The following PCGF2 variants were observed in gnomAD, a reference collection of about 807,000 sequenced individuals.
The protein encoded by PCGF2 is polycomb group ring finger 2.
A neutral mutation model predicts 36.1 loss-of-function variants in PCGF2; 8 were observed. The observed-to-expected ratio is 0.22, with a 90% CI of 0.13 to 0.40. The LOEUF is 0.40. PCGF2 is among the 10% of genes least tolerant of loss of function. The probability of loss-of-function intolerance (pLI) is 1.00; values close to 1 mark genes in which losing one functional copy is unlikely to be tolerated. For missense variants in PCGF2, 436 were observed against 475.9 expected, an observed-to-expected ratio of 0.92 and a Z score of 0.78; for synonymous variants, 198 against 191.2, an observed-to-expected ratio of 1.04 and a Z score of -0.29.
At position 38,739,269 on chromosome 17, in the gene PCGF2, C is replaced by A; in HGVS notation, c.210-16G>T. The A allele has an allele frequency of 6.2e-7, 1 of 1,611,840 alleles. No homozygotes were observed. The highest frequency in any genetic ancestry group is 1.7e-5 in the Admixed American group (1 of 60,014). ...TTTGTCAGACCTGGGGAAAAATGGA[C>A]AGGGCTTATCAGCAATGCCTTCTCC... On this transcript the variant is annotated splice_polypyrimidine_tract_variant and intron_variant, in intron 4 of 10. Transcript: ENST00000620225. The surrounding 1 kb of genome is among the most constrained non-coding windows in gnomAD (Gnocchi z 4.0).
At chr17:38,744,483 G>A (rs561375020) in intron 2 of PCGF2, among the ~76,000 whole-genome samples, 70 of 152,234 alleles carry the variant, frequency 4.6e-4, no homozygotes, top group African/African-American at 1.5e-3. Context: ...AACCTCCCAA[G>A]TAGCTGGGAA....
upstream of PCGF2, chr17:38,749,268 G>A (rs1907765602): frequency 4.9e-6 from 1 of 204,884 alleles, no homozygotes; most frequent in East Asian, 1.3e-4. This position sits in a 1 kb window ranked among gnomAD's most constrained non-coding sequence, Gnocchi z 6.5. Flanking sequence ...CCTGCGCTGC[G>A]CGCTGCCTGT....
chr17:38,740,019 G>A (rs1185982830), intron 3 of PCGF2, among the ~76,000 whole-genome samples: 2 of 152,226 alleles, frequency 1.3e-5, no homozygotes, highest in Non-Finnish European at 2.9e-5. Flanking sequence ...CAAACAAGGG[G>A]TGTCCGCGTC....
Position 38,735,480 on chromosome 17 carries a change from T to C in PCGF2, c.778A>G (p.Ser260Gly), listed in dbSNP as rs1445142388. ...TSGASECESVSDKAPSPATLP... is the reference protein window; with the variant it reads ...TSGASECESVGDKAPSPATLP... ...GTGGCAGGGCTGGGAGCCTTGTCGC[T>C]GACTGACTCACACTCGGACGCCCCG... The change falls in exon 11 of 11, where the codon AGC becomes GGC. Residue 260 changes from serine to glycine, a missense_variant. This residue lies in a region of PCGF2 where 227 missense variants were observed against 212.9 expected (regional missense o/e 1.07). Transcript: ENST00000620225. 6.3e-7 allele frequency: 1 copy of C among 1,593,006 alleles called. No individual in the cohort carries two copies.
intron 9 of PCGF2, 140 bp downstream of exon 9, chr17:38,738,213 C>T: frequency 1.4e-6 from 1 of 709,512 alleles, no homozygotes; most frequent in Non-Finnish European, 2.5e-6. Context: ...TTTCAACCAC[C>T]CTTCTGTTAA....
At position 38,734,879 on chromosome 17, in the gene PCGF2, T is replaced by G; in HGVS notation, c.*344A>C. 1.1e-5 allele frequency: 2 copies of G among 184,106 alleles called. No individual in the cohort carries two copies. The highest frequency in any genetic ancestry group is 1.3e-4 in the East Asian group (1 of 7,658). The allele number at this position is 184,106 out of a possible 1,614,324, so 11.4% of individuals were successfully genotyped here. On this transcript the variant is annotated 3_prime_UTR_variant, in exon 11 of 11. Coordinates refer to ENST00000620225, the MANE Select transcript of PCGF2 (RefSeq NM_007144.3). ...GAAACAGCGAGGATGGTGCAGAGCT[T>G]TATTGAGACTCCAGTGGCCCATCCA...
chr17:38,748,183 C>G lies in PCGF2; in HGVS notation c.-134+13G>C, dbSNP rs1907675508. The G allele has an allele frequency of 7.1e-6, 1 of 140,158 alleles. No homozygotes were observed. The highest frequency in any genetic ancestry group is 1.6e-5 in the Non-Finnish European group (1 of 64,444). 8.7% of individuals were successfully genotyped at this position (140,158 alleles called of 1,614,324 possible). ...CAGGAGAGGGAAAGGCAGGGGGAGT[C>G]CGCTCCGCTTACCTGGGTTCGGGGT... is the stretch of plus-strand genomic sequence containing the variant. On this transcript the variant is annotated intron_variant, in intron 1 of 10. Transcript: ENST00000620225.
In PCGF2 at chr17:38,735,607, G is replaced by A. The variant is rs1238371847; in HGVS notation, c.658-7C>T. On this transcript the variant is annotated splice_region_variant and splice_polypyrimidine_tract_variant and intron_variant, in intron 10 of 10. Coordinates refer to ENST00000620225, the MANE Select transcript of PCGF2 (RefSeq NM_007144.3). Reference sequence around the variant, plus strand: ...TGAGGGGGAGAGGCCCGTTCTGCGGGGAGAGTGGGGAGGAGAGACACAGGG... The same window carrying A: ...TGAGGGGGAGAGGCCCGTTCTGCGGAGAGAGTGGGGAGGAGAGACACAGGG... 1.3e-6 allele frequency: 2 copies of A among 1,549,600 alleles called. No individual in the cohort carries two copies. Among genetic ancestry groups the A allele is most frequent in the Non-Finnish European group, 1.7e-6 (2 of 1,143,576 alleles).
rs1342185736 is a variant in PCGF2, at chr17:38,733,938, T to C, written c.*1285A>G. 1 of 155,900 alleles carries C rather than the reference T, an allele frequency of 6.4e-6. No homozygotes were observed. The highest frequency in any genetic ancestry group is 2.4e-5 in the African/African-American group (1 of 41,508). 9.7% of individuals were successfully genotyped at this position (155,900 alleles called of 1,614,324 possible). ...TTATTACAAAGCCAAGAGATACAGA[T>C]GTCCCAGGGCAAAGGAGGGTACAGT... On this transcript the variant is annotated 3_prime_UTR_variant, in exon 11 of 11. Coordinates refer to ENST00000620225, the MANE Select transcript of PCGF2 (RefSeq NM_007144.3).
chr17:38,749,311 G>C, upstream of PCGF2: 1 of 215,462 alleles, frequency 4.6e-6, no homozygotes, highest in East Asian at 1.2e-4. This position sits in a 1 kb window ranked among gnomAD's most constrained non-coding sequence, Gnocchi z 6.5. Context: ...GGGAGAGTCG[G>C]GCGAGCGCCA....
chr17:38,745,386 A>C (rs1012274319), intron 2 of PCGF2, among the ~76,000 whole-genome samples: 7 of 151,968 alleles, frequency 4.6e-5, no homozygotes, highest in African/African-American at 1.7e-4. Flanking sequence ...GGCGCCTGTA[A>C]TCCCAGCTAC....
At position 38,739,504 on chromosome 17, in the gene PCGF2, T is replaced by C. The variant is rs1160323098; in HGVS notation, c.209+82A>G. ...CTTCTCCTACACCTGCCGCCTTGGC[T>C]GAAGGAAGCACGGAGCGTGGGAGGG... On this transcript the variant is annotated intron_variant, in intron 4 of 10. Coordinates refer to ENST00000620225, the MANE Select transcript of PCGF2 (RefSeq NM_007144.3). The surrounding 1 kb of genome is among the most constrained non-coding windows in gnomAD (Gnocchi z 4.0). 1.5e-5 allele frequency: 18 copies of C among 1,176,688 alleles called. No homozygotes were observed. The highest frequency in any genetic ancestry group is 2.3e-5 in the Non-Finnish European group (18 of 782,432). The allele number at this position is 1,176,688 out of a possible 1,614,324, so 72.9% of individuals were successfully genotyped here. A position where few individuals can be genotyped will look rare whatever the true frequency, so the allele number is the denominator to read the frequency against.
rs1388200952 is a variant in PCGF2, at chr17:38,735,016, TTTAAA to T, written c.*202_*206del. 3 of 394,576 alleles carry T rather than the reference TTTAAA, an allele frequency of 7.6e-6. No homozygotes were observed. The allele number at this position is 394,576 out of a possible 1,614,324, so 24.4% of individuals were successfully genotyped here. On this transcript the variant is annotated 3_prime_UTR_variant, in exon 11 of 11. Transcript: ENST00000620225. ...CACATAAAGTTTGTTTCCTGTGGCA[TTTAAA>T]TTAATCTGGTTGGTCCATAGAAAAT...
intron 2 of PCGF2, chr17:38,746,444 C>T (rs1427988747): frequency 1.3e-5 from 2 of 152,598 alleles, no homozygotes; most frequent in East Asian, 1.9e-4. Flanking sequence ...TGCCTGGAAA[C>T]AGACCCTGCA....
At chr17:38,746,996 G>A (rs543544784) in intron 2 of PCGF2, among the ~76,000 whole-genome samples, 2 of 152,296 alleles carry the variant, frequency 1.3e-5, no homozygotes, top group East Asian at 1.9e-4. Context: ...AACAGAGCGG[G>A]GAGGGGACAA....
chr17:38,738,141 G>A (rs1008767993), intron 9 of PCGF2, among the ~76,000 whole-genome samples: 1 of 152,082 alleles, frequency 6.6e-6, no homozygotes, highest in Non-Finnish European at 1.5e-5. Flanking sequence ...CATACACACC[G>A]TCTTGGTCCC....
At chr17:38,748,729 G>A (rs1433712952), upstream of PCGF2, among the ~76,000 whole-genome samples, 1 of 152,204 alleles carries the variant, frequency 6.6e-6, no homozygotes. Context: ...TGGGGACTGG[G>A]CTGAAAGGTG....
At chr17:38,736,503 C>G (rs1906733442) in intron 9 of PCGF2, among the ~76,000 whole-genome samples, 1 of 152,150 alleles carries the variant, frequency 6.6e-6, no homozygotes, top group Non-Finnish European at 1.5e-5. Flanking sequence ...TGGCTCTCAC[C>G]CCCAGCTGCA....
Position 38,734,206 on chromosome 17 carries a change from T to A in PCGF2, c.*1017A>T, listed in dbSNP as rs796997805. 6.6e-6 allele frequency: 1 copy of A among 152,480 alleles called. No individual in the cohort carries two copies. Among genetic ancestry groups the A allele is most frequent in the East Asian group, 1.9e-4 (1 of 5,178 alleles). 9.4% of individuals were successfully genotyped at this position (152,480 alleles called of 1,614,324 possible). On this transcript the variant is annotated 3_prime_UTR_variant, in exon 11 of 11. Transcript: ENST00000620225. ...GAGCTTACAGGTTTCTGTCTTCTTG[T>A]GCTTTTAGATGCAGTTGCTCTGTCC... is the stretch of plus-strand genomic sequence containing the variant.
Sources: allele counts gnomAD v4.1 joint callset (sites outside exome capture counted in the v4.1 genomes callset), GRCh38; gene constraint gnomAD v4.1.1; regional missense constraint gnomAD v4.1.1; non-coding constraint Gnocchi (gnomAD v3.1); transcripts MANE v1.5; gene names NCBI Gene and HGNC (gene_info 2026-07-23, HGNC 2026-07-21).